The following NCBP3 variants were observed in gnomAD, a reference collection of about 807,000 sequenced individuals.
NCBP3 encodes nuclear cap binding subunit 3, also known as nuclear cap-binding protein subunit 3.
Under a neutral mutation model 75.7 loss-of-function variants are expected in NCBP3, and 20 were observed. The observed-to-expected ratio is 0.26, with a 90% confidence interval of 0.19 to 0.38. The LOEUF is 0.38. NCBP3 is among the 10% of genes least tolerant of loss of function. NCBP3 has a pLI of 1.00. For synonymous variants in NCBP3, 293 were observed against 290.5 expected, an observed-to-expected ratio of 1.01 and a Z score of -0.09; for missense variants, 678 against 796.9, an observed-to-expected ratio of 0.85 and a Z score of 1.80.
At position 3,846,157 on chromosome 17, in the gene NCBP3, G is replaced by A. The variant is rs2054160984; in HGVS notation, c.67C>T (p.Leu23Phe). The change falls in exon 1 of 13, where the codon CTC (leucine) becomes TTC (phenylalanine). Residue 23 changes from leucine to phenylalanine, a missense_variant. By Grantham distance (22) the Leu-to-Phe change is conservative. Transcript: ENST00000389005. The surrounding 1 kb of genome is among the most constrained non-coding windows in gnomAD (Gnocchi z 4.6). ...CCGGACTCCGCCTCAGGGGACGGGA[G>A]CCCCAGGGCCGGCCCCGCCGGGGCC... ...AEAPAGPALG[L>F]PSPEAESGVD... The A allele has an allele frequency of 2.6e-6, 4 of 1,532,332 alleles. No individual in the cohort carries two copies. Among genetic ancestry groups the A allele is most frequent in the Non-Finnish European group, 2.6e-6 (3 of 1,139,228 alleles). 94.9% of individuals were successfully genotyped at this position (1,532,332 alleles called of 1,614,324 possible).
intron 11 of NCBP3, among the ~76,000 whole-genome samples, chr17:3,815,180 T>C (rs2053506301): frequency 6.6e-6 from 1 of 152,178 alleles, no homozygotes; most frequent in Admixed American, 6.5e-5. Flanking sequence ...TTCAGGCTCT[T>C]GTTACTTTTT....
In NCBP3 at chr17:3,843,123, G is replaced by A; in HGVS notation, c.212C>T (p.Ala71Val). The stretch of plus-strand genomic sequence containing the variant: ...ATCAATTCCAGTGATGAAGCTGCCA[G>A]CCTTGTTTTCATATCTTCTGCTCGT... ...PDTSRRYENK[A>V]GSFITGIDVT... is the part of the protein sequence containing the mutation. Residue 71 changes from alanine (A) to valine (V), a missense_variant, in exon 2 of 13, where the codon GCT (alanine) becomes GTT (valine). Transcript: ENST00000389005. 2 of 1,551,600 alleles carry A rather than the reference G, an allele frequency of 1.3e-6. No individual in the cohort carries two copies.
chr17:3,830,412 A>T lies in NCBP3; in HGVS notation c.356-1044T>A, dbSNP rs1457362106. 3.3e-5 allele frequency among the ~76,000 whole-genome samples: 5 copies of T among 152,324 alleles called. No individual in the cohort carries two copies. In the East Asian group the frequency reaches 9.6e-4, roughly 29 times the overall value. On this transcript the variant is annotated intron_variant, in intron 3 of 12. Coordinates refer to ENST00000389005, the MANE Select transcript of NCBP3 (RefSeq NM_001114118.3). ...CAGAGTGAAAAAACAAGTTGTAAAA[A>T]ATTACATGCAAGGTGATGACATTAA...
At chr17:3,831,042 G>A (rs1207962937) in intron 3 of NCBP3, among the ~76,000 whole-genome samples, 1 of 151,490 alleles carries the variant, frequency 6.6e-6, no homozygotes. Flanking sequence ...CTCCCAAGTA[G>A]CTGGGATTAC....
chr17:3,845,107 G>A (rs751545894), intron 1 of NCBP3, among the ~76,000 whole-genome samples: 1 of 152,142 alleles, frequency 6.6e-6, no homozygotes, highest in Non-Finnish European at 1.5e-5. Context: ...CTGGAACTTA[G>A]ACTCCTGAAT....
intron 1 of NCBP3, 59 bp downstream of exon 1, chr17:3,845,982 C>G: frequency 6.6e-7 from 1 of 1,505,492 alleles, no homozygotes; most frequent in Non-Finnish European, 8.9e-7. Context: ...TTCCGGCCCC[C>G]TCCGGCGCTA....
chr17:3,838,024 G>C (rs1479485512), intron 3 of NCBP3, among the ~76,000 whole-genome samples: 1 of 152,026 alleles, frequency 6.6e-6, no homozygotes, highest in African/African-American at 2.4e-5. Context: ...CCCCAAAAGT[G>C]ATCCTATTAA....
intron 2 of NCBP3, among the ~76,000 whole-genome samples, chr17:3,841,355 C>T (rs1439783445): frequency 2.0e-5 from 3 of 152,134 alleles, no homozygotes; most frequent in Admixed American, 6.6e-5. Context: ...GGTAAAGTTG[C>T]AACACTTCTG....
intron 3 of NCBP3, among the ~76,000 whole-genome samples, chr17:3,833,247 T>C (rs568771754): frequency 8.8e-4 from 134 of 152,220 alleles, no homozygotes; most frequent in African/African-American, 3.1e-3. Flanking sequence ...AGTAAGACTT[T>C]GTTTCAAAAG....
intron 12 of NCBP3, 117 bp from the exon 13 acceptor site, chr17:3,813,396 G>A (rs2053461639): frequency 1.6e-6 from 2 of 1,278,638 alleles, no homozygotes; most frequent in Admixed American, 2.2e-5. Context: ...AGTCTGTGGA[G>A]CCTGCCACCA....
chr17:3,834,406 T>C (rs1488361937), intron 3 of NCBP3, among the ~76,000 whole-genome samples: 1 of 152,240 alleles, frequency 6.6e-6, no homozygotes, highest in African/African-American at 2.4e-5. Context: ...ACAAATTTTC[T>C]TTGGTGAGCA....
intron 3 of NCBP3, among the ~76,000 whole-genome samples, chr17:3,832,579 C>T (rs1000203582): frequency 1.1e-4 from 16 of 146,150 alleles, no homozygotes; most frequent in Admixed American, 6.2e-4. Context: ...TGCAGTGAGC[C>T]GAGATCGCAC....
intron 3 of NCBP3, among the ~76,000 whole-genome samples, chr17:3,838,480 A>G (rs1483919678): frequency 6.6e-6 from 1 of 152,258 alleles, no homozygotes; most frequent in African/African-American, 2.4e-5. Flanking sequence ...CCATGAGGGA[A>G]GCAAGGGCGT....
rs926329443 is a variant in NCBP3 at position 3,846,054 on chromosome 17, T to C, written c.170A>G (p.Lys57Arg). The stretch of plus-strand genomic sequence containing the variant: ...CCCCGCCCGTACCGGGATCAGTTCC[T>C]TGAGCGAGCGCCGCACAGGCACGAT... ...LEIVPVRRSL[K>R]ELIPDTSRRY... Residue 57 changes from lysine to arginine, a missense_variant, in exon 1 of 13, where the codon AAG becomes AGG. By Grantham distance (26) the Lys-to-Arg change is conservative. This residue lies in a region of NCBP3 where 46 missense variants were observed against 82.8 expected (regional missense o/e 0.56). Coordinates refer to ENST00000389005, the MANE Select transcript of NCBP3 (RefSeq NM_001114118.3). The surrounding 1 kb of genome is among the most constrained non-coding windows in gnomAD (Gnocchi z 4.6). The C allele has an allele frequency of 5.8e-6, 9 of 1,547,940 alleles. No homozygotes were observed. In the African/African-American group the frequency reaches 1.2e-4, roughly 21 times the overall value.
Position 3,806,086 on chromosome 17 carries a change from C to CTTTTCTTTTTTT in NCBP3, c.*6957_*6958insAAAAAAAGAAAA, listed in dbSNP as rs2053333289. On this transcript the variant is annotated 3_prime_UTR_variant, in exon 13 of 13. Coordinates refer to ENST00000389005, the MANE Select transcript of NCBP3 (RefSeq NM_001114118.3). ...AGGGACAGGAAGGTGAGAATCCTTT[C>CTTTTCTTTTTTT]TTTTTTTTTTGAGACGGAGTCTCGC... 1 of 148,516 alleles carries CTTTTCTTTTTTT rather than the reference C, an allele frequency of 6.7e-6. No homozygotes were observed. Among genetic ancestry groups the CTTTTCTTTTTTT allele is most frequent in the Admixed American group, 6.7e-5 (1 of 14,848 alleles). The allele number at this position is 148,516 out of a possible 1,614,324, so 9.2% of individuals were successfully genotyped here. A position where few individuals can be genotyped will look rare whatever the true frequency, so the allele number is the denominator to read the frequency against.
At chr17:3,833,005 T>C (rs1476973879) in intron 3 of NCBP3, among the ~76,000 whole-genome samples, 2 of 152,026 alleles carry the variant, frequency 1.3e-5, no homozygotes, top group Non-Finnish European at 2.9e-5. Context: ...ATCCCAGCAC[T>C]TTGGGAGGCT....
intron 12 of NCBP3, among the ~76,000 whole-genome samples, chr17:3,813,866 G>A (rs1321987493): frequency 6.6e-6 from 1 of 152,130 alleles, no homozygotes; most frequent in Non-Finnish European, 1.5e-5. Flanking sequence ...GTTTCACCAT[G>A]TTGGTTAGGC....
chr17:3,820,912 A>G (rs2053649569), intron 9 of NCBP3, among the ~76,000 whole-genome samples: 1 of 152,024 alleles, frequency 6.6e-6, no homozygotes, highest in African/African-American at 2.4e-5. Flanking sequence ...CCTGAGAGAC[A>G]GAGCGAGACT....
At chr17:3,822,389 C>T (rs2053684654) in intron 7 of NCBP3, 1 of 182,852 alleles carries the variant, frequency 5.5e-6, no homozygotes, top group African/African-American at 2.3e-5. Flanking sequence ...AAAAGACTTT[C>T]TCAAAATAGT....
Sources: gnomAD v4.1 joint callset for allele counts (sites outside exome capture counted in the v4.1 genomes callset) on GRCh38, gnomAD v4.1.1 for gene constraint, gnomAD v4.1.1 regional missense constraint, Gnocchi (gnomAD v3.1) non-coding constraint, MANE v1.5 for transcripts, NCBI Gene and HGNC (gene_info 2026-07-23, HGNC 2026-07-21) for gene names.